CSMD2: variants seen among roughly 807,000 people sequenced by gnomAD.
The protein encoded by CSMD2 is CUB and Sushi multiple domains 2.
A neutral mutation model predicts 398.5 loss-of-function variants in CSMD2; 130 were observed. That is an observed-to-expected ratio of 0.33 (90% CI 0.28 to 0.38). The LOEUF (loss-of-function observed/expected upper bound fraction) is 0.38. CSMD2 is among the 10% of genes least tolerant of loss of function. CSMD2 has a pLI of 1.00. For synonymous variants in CSMD2, 1,828 were observed against 1,908.5 expected (o/e 0.96, Z 1.10); for missense variants, 3,829 against 4,764.9 (o/e 0.80, Z 5.78).
At chr1:33,955,198 T>A (rs2125379934) in intron 3 of CSMD2, among the ~76,000 whole-genome samples, 1 of 152,254 alleles carries the variant, frequency 6.6e-6, no homozygotes, top group East Asian at 1.9e-4. Context: ...CTGCCAGAGA[T>A]GGAATGTGAA....
At chr1:33,571,814 C>T (rs1659624386) in intron 50 of CSMD2, 88 bp from the exon 51 acceptor site, 10 of 978,972 alleles carry the variant, frequency 1.0e-5, no homozygotes, top group Non-Finnish European at 1.4e-5. Flanking sequence ...GACTTGGAGA[C>T]CTTAATGCAA....
At chr1:33,738,916 A>G (rs1223472408) in intron 15 of CSMD2, among the ~76,000 whole-genome samples, 1 of 152,190 alleles carries the variant, frequency 6.6e-6, no homozygotes, top group African/African-American at 2.4e-5. Flanking sequence ...GACAATCCAG[A>G]GCCGTTTCTC....
chr1:34,099,854 A>G (rs544434857), intron 1 of CSMD2, among the ~76,000 whole-genome samples: 1 of 152,148 alleles, frequency 6.6e-6, no homozygotes, highest in Non-Finnish European at 1.5e-5. Flanking sequence ...TTCAATAAGT[A>G]TTTGCTGAAT....
intron 53 of CSMD2, among the ~76,000 whole-genome samples, chr1:33,565,704 T>G (rs1017016442): frequency 3.8e-4 from 57 of 151,972 alleles, no homozygotes; most frequent in African/African-American, 1.4e-3. Context: ...AAACAAAACA[T>G]GTGAAGCGTA....
chr1:33,688,710 G>A (rs1002056866), intron 25 of CSMD2, among the ~76,000 whole-genome samples: 20 of 152,044 alleles, frequency 1.3e-4, no homozygotes, highest in African/African-American at 4.8e-4. Context: ...CAGCTACTTG[G>A]GAGGCTGAGG....
chr1:33,652,787 C>A (rs575245149), intron 27 of CSMD2, among the ~76,000 whole-genome samples: 1 of 152,332 alleles, frequency 6.6e-6, no homozygotes, highest in Admixed American at 6.5e-5. Flanking sequence ...CTCGCTCTGT[C>A]CCCCAGCCCC....
intron 2 of CSMD2, among the ~76,000 whole-genome samples, chr1:34,056,607 G>A (rs1653859729): frequency 6.6e-6 from 1 of 152,202 alleles, no homozygotes; most frequent in Non-Finnish European, 1.5e-5. Flanking sequence ...ACAGAGTGTT[G>A]AGAGGTTTCA....
intron 3 of CSMD2, among the ~76,000 whole-genome samples, chr1:33,974,477 C>T (rs1375617153): frequency 6.6e-6 from 1 of 152,214 alleles, no homozygotes; most frequent in African/African-American, 2.4e-5. Context: ...TTACTGAATG[C>T]TGTGTTAAGT....
intron 25 of CSMD2, among the ~76,000 whole-genome samples, chr1:33,675,202 A>G (rs1390058266): frequency 1.3e-5 from 2 of 152,202 alleles, no homozygotes; most frequent in Admixed American, 6.5e-5. Flanking sequence ...CAAAATTGAT[A>G]GACTGCTAGC....
At chr1:34,131,985 A>G (rs904475303) in intron 1 of CSMD2, among the ~76,000 whole-genome samples, 3 of 151,970 alleles carry the variant, frequency 2.0e-5, no homozygotes, top group East Asian at 1.9e-4. Flanking sequence ...AGGGATTCCA[A>G]CCTCTCATGG....
rs1270175406 is a variant in CSMD2, at chr1:33,519,078, A to G, written c.*53+387T>C. Reference sequence around the variant, plus strand: ...TATCCAGTTGGTTCTGTTTCTCTAGAGAGAAACAGACTAGTACATGCCGAT... The same window carrying G: ...TATCCAGTTGGTTCTGTTTCTCTAGGGAGAAACAGACTAGTACATGCCGAT... On this transcript the variant is annotated intron_variant, in intron 70 of 70. Transcript: ENST00000373381. This position sits in a 1 kb window ranked among gnomAD's most constrained non-coding sequence, Gnocchi z 5.6. Among the ~76,000 whole-genome samples the G allele has an allele frequency of 6.6e-6, 1 of 152,102 alleles. No individual in the cohort carries two copies. Among genetic ancestry groups the G allele is most frequent in the African/African-American group, 2.4e-5 (1 of 41,394 alleles).
At chr1:33,656,854 TA>T (rs2148982852) in intron 27 of CSMD2, among the ~76,000 whole-genome samples, 1 of 152,294 alleles carries the variant, frequency 6.6e-6, no homozygotes, top group Non-Finnish European at 1.5e-5. Flanking sequence ...GTTATCTAAG[TA>T]AATGTCCAGT....
rs779206180 is a variant in CSMD2 at position 33,626,587 on chromosome 1, G to A, written c.5201-6C>T. On this transcript the variant is annotated splice_polypyrimidine_tract_variant and splice_region_variant and intron_variant, in intron 32 of 70. Transcript: ENST00000373381. ...GGCCAAGGGCAGTGATTCTCCTGCC[G>A]AGATAAGGGGCAAGGAGGAGAGAAC... 20 of 1,587,980 alleles carry A rather than the reference G, an allele frequency of 1.3e-5. No homozygotes were observed. In the East Asian group the frequency reaches 2.3e-4, roughly 18 times the overall value.
intron 15 of CSMD2, among the ~76,000 whole-genome samples, chr1:33,728,719 T>C (rs1646624692): frequency 1.3e-5 from 2 of 152,328 alleles, no homozygotes; most frequent in Non-Finnish European, 2.9e-5. Flanking sequence ...TAACTTACTA[T>C]GTGTCAGGGC....
intron 2 of CSMD2, among the ~76,000 whole-genome samples, chr1:34,079,056 C>A (rs372740562): frequency 6.6e-6 from 1 of 152,172 alleles, no homozygotes; most frequent in Non-Finnish European, 1.5e-5. Context: ...CTGCCCTCCA[C>A]CCCAGTGCAT....
intron 10 of CSMD2, among the ~76,000 whole-genome samples, chr1:33,808,344 A>G (rs1300954516): frequency 6.6e-6 from 1 of 152,086 alleles, no homozygotes; most frequent in Admixed American, 6.5e-5. Flanking sequence ...CACAGAATCT[A>G]TGTGAAAAAT....
chr1:34,027,173 AAAG>A (rs1168201900), intron 3 of CSMD2, among the ~76,000 whole-genome samples: 1 of 152,228 alleles, frequency 6.6e-6, no homozygotes, highest in African/African-American at 2.4e-5. Context: ...AAGCACTTAC[AAAG>A]AAGATAAGAA....
intron 12 of CSMD2, among the ~76,000 whole-genome samples, chr1:33,781,998 T>C (rs996964555): frequency 1.3e-5 from 2 of 152,014 alleles, no homozygotes; most frequent in Admixed American, 6.6e-5. Flanking sequence ...GAAGAAAGGA[T>C]GATACTGGAG....
intron 5 of CSMD2, chr1:33,885,498 C>CA (rs1266968485): frequency 6.6e-6 from 1 of 152,142 alleles, no homozygotes. Flanking sequence ...CCACATACCC[C>CA]ATAGGGCTGG....
Sources: allele counts gnomAD v4.1 joint callset (sites outside exome capture counted in the v4.1 genomes callset), GRCh38; gene constraint gnomAD v4.1.1; non-coding constraint Gnocchi (gnomAD v3.1); transcripts MANE v1.5; gene names NCBI Gene and HGNC (gene_info 2026-07-23, HGNC 2026-07-21).